Variants in DROSHA observed in about 807,000 individuals in gnomAD.
DROSHA encodes drosha ribonuclease III.
A neutral mutation model predicts 181.9 loss-of-function variants in DROSHA; 56 were observed. The observed-to-expected ratio is 0.31, with a 90% CI of 0.25 to 0.38. The LOEUF (loss-of-function observed/expected upper bound fraction) is 0.38, where lower values mean the gene tolerates loss of function less well. Among genes scored for constraint, DROSHA ranks in the 10% least tolerant of loss-of-function variants. The probability of loss-of-function intolerance (pLI) is 1.00; values close to 1 mark genes in which losing one functional copy is unlikely to be tolerated. For missense variants in DROSHA, 1,218 were observed against 1,743.5 expected (o/e 0.70, Z 5.37); for synonymous variants, 524 against 591.2 (o/e 0.89, Z 1.65).
chr5:31,439,486 T>C (rs1745292246), intron 23 of DROSHA, among the ~76,000 whole-genome samples: 1 of 152,164 alleles, frequency 6.6e-6, no homozygotes, highest in Non-Finnish European at 1.5e-5. Context: ...TTTTTACTTT[T>C]ATTTTAGGTT....
intron 30 of DROSHA, among the ~76,000 whole-genome samples, chr5:31,418,723 G>A (rs369189243): frequency 6.2e-4 from 95 of 152,242 alleles, no homozygotes; most frequent in Admixed American, 7.9e-4. Context: ...CTTGTGAATG[G>A]ACTGGGATAC....
chr5:31,474,033 A>T (rs1750070810), intron 16 of DROSHA, among the ~76,000 whole-genome samples: 1 of 152,244 alleles, frequency 6.6e-6, no homozygotes, highest in Non-Finnish European at 1.5e-5. Context: ...CTAGGCGCTC[A>T]GGAAGCACAT....
At chr5:31,451,280 A>G (rs1452506427) in intron 21 of DROSHA, among the ~76,000 whole-genome samples, 1 of 152,212 alleles carries the variant, frequency 6.6e-6, no homozygotes, top group African/African-American at 2.4e-5. Flanking sequence ...ATAAAGGAGG[A>G]AAAGTCGGAA....
At chr5:31,474,270 GC>G (rs1369518607) in intron 16 of DROSHA, among the ~76,000 whole-genome samples, 2 of 152,160 alleles carry the variant, frequency 1.3e-5, no homozygotes, top group Non-Finnish European at 2.9e-5. Context: ...CAAAGCAACT[GC>G]CTTAAATGCA....
At chr5:31,436,920 T>C (rs988731363) in intron 24 of DROSHA, among the ~76,000 whole-genome samples, 7 of 152,332 alleles carry the variant, frequency 4.6e-5, no homozygotes, top group Middle Eastern at 3.4e-3. Flanking sequence ...CATCCCTTTC[T>C]TTACAAATTG....
intron 13 of DROSHA, among the ~76,000 whole-genome samples, chr5:31,490,933 A>G (rs1752326545): frequency 6.6e-6 from 1 of 152,066 alleles, no homozygotes; most frequent in Admixed American, 6.5e-5. Flanking sequence ...TGAAGCCAGG[A>G]ATTTTTTCTG....
At chr5:31,428,676 T>C (rs1241597950) in intron 27 of DROSHA, among the ~76,000 whole-genome samples, 2 of 152,206 alleles carry the variant, frequency 1.3e-5, no homozygotes, top group Non-Finnish European at 2.9e-5. Context: ...AATACAGTAA[T>C]AACGTCTGAC....
At chr5:31,461,360 G>C (rs1479496201) in intron 20 of DROSHA, among the ~76,000 whole-genome samples, 1 of 152,156 alleles carries the variant, frequency 6.6e-6, no homozygotes, top group Non-Finnish European at 1.5e-5. Context: ...TCCAGGAAGA[G>C]CTAACGTATC....
intron 30 of DROSHA, among the ~76,000 whole-genome samples, chr5:31,414,418 T>G (rs377688704): frequency 2.6e-5 from 4 of 152,284 alleles, no homozygotes; most frequent in African/African-American, 9.6e-5. Context: ...TTGCAAACAA[T>G]GCCTCGTGTT....
At chr5:31,436,669 A>AT (rs1744829925) in intron 24 of DROSHA, among the ~76,000 whole-genome samples, 2 of 151,724 alleles carry the variant, frequency 1.3e-5, no homozygotes, top group African/African-American at 4.8e-5. Flanking sequence ...CTGGGATTCC[A>AT]GGCGTGAGCC....
At chr5:31,407,275 C>G (rs1740759347) in intron 33 of DROSHA, among the ~76,000 whole-genome samples, 1 of 152,126 alleles carries the variant, frequency 6.6e-6, no homozygotes, top group African/African-American at 2.4e-5. Flanking sequence ...AAACTTTTAT[C>G]ATGAAAAGTT....
chr5:31,451,209 GA>G (rs796287612), intron 21 of DROSHA, among the ~76,000 whole-genome samples: 50 of 147,946 alleles, frequency 3.4e-4, no homozygotes, highest in Non-Finnish European at 6.7e-4. Flanking sequence ...TACCAGAAAA[GA>G]AAAAAAAAAT....
chr5:31,472,025 G>A (rs779944176), intron 17 of DROSHA, 38 bp downstream of exon 17: 1 of 1,528,508 alleles, frequency 6.5e-7, no homozygotes, highest in Non-Finnish European at 8.8e-7. Context: ...GGAAAAGAAG[G>A]TCCTCCAGCC....
chr5:31,505,591 A>G (rs900993024), intron 10 of DROSHA: 11 of 152,246 alleles, frequency 7.2e-5, no homozygotes, highest in African/African-American at 2.7e-4. Flanking sequence ...TTCCTCTGGT[A>G]TAGATGGTAA....
intron 25 of DROSHA, among the ~76,000 whole-genome samples, chr5:31,435,448 A>G (rs1037862753): frequency 2.0e-5 from 3 of 152,212 alleles, no homozygotes; most frequent in African/African-American, 7.2e-5. Flanking sequence ...AAGACAGTAT[A>G]TTTCATTTCT....
At chr5:31,498,676 G>A (rs1236804752) in intron 11 of DROSHA, among the ~76,000 whole-genome samples, 1 of 152,024 alleles carries the variant, frequency 6.6e-6, no homozygotes, top group African/African-American at 2.4e-5. Context: ...TGACCAACAT[G>A]GAGAAACCCC....
intron 13 of DROSHA, among the ~76,000 whole-genome samples, chr5:31,490,810 C>T (rs537539849): frequency 2.0e-5 from 3 of 152,264 alleles, no homozygotes; most frequent in Non-Finnish European, 4.4e-5. Context: ...CTATGAACTG[C>T]ACAACAGTCA....
intron 16 of DROSHA, among the ~76,000 whole-genome samples, chr5:31,480,782 TACA>T (rs998295776): frequency 3.9e-5 from 6 of 152,182 alleles, no homozygotes; most frequent in African/African-American, 1.4e-4. Flanking sequence ...GCACTAGTGA[TACA>T]ACAAGACAGA....
intron 30 of DROSHA, among the ~76,000 whole-genome samples, chr5:31,418,247 GAGAGAGAGAGAGAGGGAGAC>G (rs1273280374): frequency 9.2e-5 from 14 of 151,428 alleles, no homozygotes; most frequent in Non-Finnish European, 1.5e-4. Context: ...GTGTCACAGA[GAGAGAGAGAGAGAGGGAGAC>G]AGAGAGAGAG....
Sources: gnomAD v4.1 joint callset for allele counts (sites outside exome capture counted in the v4.1 genomes callset) on GRCh38, gnomAD v4.1.1 for gene constraint, MANE v1.5 for transcripts, NCBI Gene and HGNC (gene_info 2026-07-23, HGNC 2026-07-21) for gene names.